TUBGCP3: variants seen among roughly 807,000 people sequenced by gnomAD.
TUBGCP3 encodes the protein gamma-tubulin complex component 3.
Under a neutral mutation model 123.1 loss-of-function variants are expected in TUBGCP3, and 50 were observed. That is an observed-to-expected ratio of 0.41 (90% CI 0.32 to 0.51). TUBGCP3 has a LOEUF of 0.51. TUBGCP3 is among the 20% of genes least tolerant of loss of function. TUBGCP3 has a pLI of 0.36. For synonymous variants in TUBGCP3, 405 were observed against 413.9 expected (o/e 0.98, Z 0.26); for missense variants, 882 against 1,127.0 (o/e 0.78, Z 3.11).
the TUBGCP3 span, among the ~76,000 whole-genome samples, chr13:112,602,343 T>C: frequency 6.6e-6 from 1 of 152,186 alleles, no homozygotes; most frequent in African/African-American, 2.4e-5. Flanking sequence ...CCCCTTCTGC[T>C]TGAACAAAGC....
chr13:112,548,977 A>T (rs1879306230), intron 8 of TUBGCP3, among the ~76,000 whole-genome samples: 1 of 152,222 alleles, frequency 6.6e-6, no homozygotes, highest in Non-Finnish European at 1.5e-5. Flanking sequence ...CAGCCATCCC[A>T]TTAGTGGGTA....
chr13:112,507,817 A>C (rs1231353637), intron 17 of TUBGCP3, among the ~76,000 whole-genome samples: 1 of 152,192 alleles, frequency 6.6e-6, no homozygotes, highest in Non-Finnish European at 1.5e-5. Flanking sequence ...TCCGGCTTCA[A>C]ATCAGTCTGA....
chr13:112,590,361 C>T (rs1207616501), upstream of TUBGCP3, among the ~76,000 whole-genome samples: 1 of 152,116 alleles, frequency 6.6e-6, no homozygotes, highest in South Asian at 2.1e-4. Context: ...ACAATGTTGT[C>T]GGAAACCTTC....
chr13:112,502,478 A>G (rs1016547786), intron 19 of TUBGCP3, among the ~76,000 whole-genome samples: 41 of 152,160 alleles, frequency 2.7e-4, no homozygotes, highest in Non-Finnish European at 4.9e-4. Flanking sequence ...TTTTACTCCG[A>G]TAACAAGACC....
At chr13:112,580,093 T>C (rs1566594483) in intron 1 of TUBGCP3, among the ~76,000 whole-genome samples, 1 of 152,202 alleles carries the variant, frequency 6.6e-6, no homozygotes. Flanking sequence ...CTGAACACTG[T>C]ATGACTGCAT....
chr13:112,520,111 A>G, intron 14 of TUBGCP3, 90 bp from the exon 15 acceptor site: 1 of 1,301,450 alleles, frequency 7.7e-7, no homozygotes, highest in South Asian at 1.6e-5. Context: ...GTAAGAGTTC[A>G]AATTATAAAA....
chr13:112,518,811 AACAC>A (rs1385102698), intron 16 of TUBGCP3, among the ~76,000 whole-genome samples, 160 bp downstream of exon 16: 1 of 152,226 alleles, frequency 6.6e-6, no homozygotes, highest in African/African-American at 2.4e-5. Context: ...AATCATTTAA[AACAC>A]ACACACAATT....
chr13:112,489,319 C>A (rs1235902451), intron 21 of TUBGCP3, among the ~76,000 whole-genome samples: 1 of 152,162 alleles, frequency 6.6e-6, no homozygotes, highest in African/African-American at 2.4e-5. Context: ...AGCACTGGGG[C>A]CACCCCCGGG....
intron 14 of TUBGCP3, chr13:112,521,530 A>C: frequency 2.6e-5 from 8 of 303,464 alleles, no homozygotes; most frequent in Non-Finnish European, 3.9e-5. Flanking sequence ...CCCACAAGCT[A>C]CTGCAGCAAG....
rs759964146 is a variant in TUBGCP3 at position 112,545,869 on chromosome 13, G to A, written c.1169-4C>T. ...GCCAGCTCACCTCCTTTCCTTCCTG[G>A]GAGAAATGGAGGAAAATACACAAAA... is the stretch of plus-strand genomic sequence containing the variant. On this transcript the variant is annotated splice_region_variant and splice_polypyrimidine_tract_variant and intron_variant, in intron 10 of 21. Transcript: ENST00000261965. The surrounding 1 kb of genome is among the most constrained non-coding windows in gnomAD (Gnocchi z 4.1). 2.7e-5 allele frequency: 44 copies of A among 1,606,896 alleles called. 1 individual carries two copies. Among genetic ancestry groups the A allele is most frequent in the Non-Finnish European group, 3.6e-5 (42 of 1,174,004 alleles).
the TUBGCP3 span, among the ~76,000 whole-genome samples, chr13:112,594,132 A>C: frequency 2.6e-4 from 39 of 152,258 alleles, no homozygotes; most frequent in African/African-American, 8.7e-4. Context: ...TCTTACAGGA[A>C]ATAGAGACAA....
chr13:112,498,255 C>G (rs554635371), intron 20 of TUBGCP3, among the ~76,000 whole-genome samples: 1 of 152,210 alleles, frequency 6.6e-6, no homozygotes, highest in South Asian at 2.1e-4. Context: ...TATCCTTTAT[C>G]TGAAATGCTT....
intron 21 of TUBGCP3, among the ~76,000 whole-genome samples, chr13:112,486,512 C>G (rs1488858766): frequency 6.6e-6 from 1 of 152,212 alleles, no homozygotes; most frequent in Non-Finnish European, 1.5e-5. Context: ...ATACAAAACT[C>G]AGTGCCACAT....
intron 1 of TUBGCP3, among the ~76,000 whole-genome samples, chr13:112,578,356 G>A (rs907838182): frequency 1.3e-5 from 2 of 151,148 alleles, no homozygotes; most frequent in Non-Finnish European, 2.9e-5. Flanking sequence ...TCAGGAGATC[G>A]AGACCATCCT....
rs1347897392 is a variant in TUBGCP3, at chr13:112,485,831, C to T, written c.*162G>A. 6.6e-6 allele frequency: 5 copies of T among 752,470 alleles called. No homozygotes were observed. The highest frequency in any genetic ancestry group is 3.9e-5 in the South Asian group (2 of 51,894). 46.6% of individuals were successfully genotyped at this position (752,470 alleles called of 1,614,324 possible). The stretch of plus-strand genomic sequence containing the variant: ...GCATTCGACTCCGACATGTGAAACA[C>T]GACGTGGCTTCTCCCACACGCCGCT... On this transcript the variant is annotated 3_prime_UTR_variant, in exon 22 of 22. Transcript: ENST00000261965.
chr13:112,570,831 A>G (rs983235791), intron 1 of TUBGCP3, among the ~76,000 whole-genome samples: 3 of 152,228 alleles, frequency 2.0e-5, no homozygotes, highest in African/African-American at 7.2e-5. Flanking sequence ...TTTATCAACT[A>G]AGTTTATGTA....
chr13:112,575,565 A>C (rs1881744468), intron 1 of TUBGCP3, among the ~76,000 whole-genome samples: 1 of 152,226 alleles, frequency 6.6e-6, no homozygotes, highest in Non-Finnish European at 1.5e-5. Flanking sequence ...GAAAATGAGC[A>C]AGGATATCAA....
At chr13:112,540,483 G>A (rs60615861) in intron 11 of TUBGCP3, among the ~76,000 whole-genome samples, 30 of 129,500 alleles carry the variant, frequency 2.3e-4, no homozygotes, top group African/African-American at 7.1e-4. Flanking sequence ...GAGCATTCAG[G>A]TGATCTTGGG....
chr13:112,562,465 A>G (rs762402752), intron 3 of TUBGCP3, among the ~76,000 whole-genome samples: 1 of 152,206 alleles, frequency 6.6e-6, no homozygotes, highest in East Asian at 1.9e-4. Context: ...CGCCACTGAC[A>G]AACAGCTGCC....
Sources: allele counts gnomAD v4.1 joint callset (sites outside exome capture counted in the v4.1 genomes callset), GRCh38; gene constraint gnomAD v4.1.1; non-coding constraint Gnocchi (gnomAD v3.1); transcripts MANE v1.5; gene names NCBI Gene and HGNC (gene_info 2026-07-23, HGNC 2026-07-21).